Variants in KLHL6 observed in about 807,000 individuals in gnomAD.
KLHL6 encodes kelch-like protein 6.
In KLHL6, 41 loss-of-function variants were observed where a neutral mutation model predicts 58.6. The observed-to-expected ratio is 0.70, with a 90% CI of 0.55 to 0.91. KLHL6 has a LOEUF of 0.91. Among genes scored for constraint, KLHL6 ranks in the 40% least tolerant of loss-of-function variants. KLHL6 has a pLI of 0.00. For missense variants in KLHL6, 714 were observed against 805.6 expected, an observed-to-expected ratio of 0.89 and a Z score of 1.38; for synonymous variants, 338 against 322.7, an observed-to-expected ratio of 1.05 and a Z score of -0.51.
At chr3:183,543,408 C>G (rs973269720) in intron 1 of KLHL6, among the ~76,000 whole-genome samples, 1 of 152,088 alleles carries the variant, frequency 6.6e-6, no homozygotes, top group African/African-American at 2.4e-5. Flanking sequence ...ATAGCAGTTA[C>G]TAAGAATTCT....
rs575222205 is a variant in KLHL6 at position 183,503,546 on chromosome 3, G to A, written c.910-3719C>T. ...TGTAATCCCAGCACTTTGGGAGGTCGAGGCAGGCAGATCACCTGAGGTTGG... is the reference window on the plus strand; with the variant it reads ...TGTAATCCCAGCACTTTGGGAGGTCAAGGCAGGCAGATCACCTGAGGTTGG... On this transcript the variant is annotated intron_variant, in intron 3 of 6. Coordinates refer to ENST00000341319, the MANE Select transcript of KLHL6 (RefSeq NM_130446.4). Among the ~76,000 whole-genome samples the A allele has an allele frequency of 7.0e-4, 106 of 152,298 alleles. 1 individual carries two copies. The highest frequency in any genetic ancestry group is 2.5e-3 in the African/African-American group (102 of 41,558).
chr3:183,504,284 T>G (rs1238778212), intron 3 of KLHL6, among the ~76,000 whole-genome samples: 1 of 152,188 alleles, frequency 6.6e-6, no homozygotes, highest in East Asian at 1.9e-4. Flanking sequence ...TTGGTAGGTA[T>G]TATTACCCCC....
At position 183,534,131 on chromosome 3, in the gene KLHL6, T is replaced by TAAAAGTACTTTACTTTTAAA. The variant is rs10663153; in HGVS notation, c.294-6122_294-6121insTTTAAAAGTAAAGTACTTTT. Reference sequence around the variant, plus strand: ...AAAGTACTTTACTTTTAAAGTACTTTGTACTTTTAAAGTACTTTAAAAGTA... The same window carrying TAAAAGTACTTTACTTTTAAA: ...AAAGTACTTTACTTTTAAAGTACTTTAAAAGTACTTTACTTTTAAAGTACTTTTAAAGTACTTTAAAAGTA... On this transcript the variant is annotated intron_variant, in intron 1 of 6. Transcript: ENST00000341319. 4.8e-3 allele frequency among the ~76,000 whole-genome samples: 137 copies of TAAAAGTACTTTACTTTTAAA among 28,754 alleles called. 4 individuals are homozygous for TAAAAGTACTTTACTTTTAAA. The highest frequency in any genetic ancestry group is 2.4e-3 in the Non-Finnish European group (25 of 10,266). 18.9% of individuals were successfully genotyped at this position (28,754 alleles called of 152,430 possible).
At chr3:183,526,403 A>C (rs1185225091) in intron 2 of KLHL6, among the ~76,000 whole-genome samples, 1 of 152,242 alleles carries the variant, frequency 6.6e-6, no homozygotes, top group African/African-American at 2.4e-5. Context: ...TGAAGCCTGA[A>C]TATGACCCCA....
At chr3:183,510,600 C>T (rs993089137) in intron 2 of KLHL6, among the ~76,000 whole-genome samples, 24 of 152,178 alleles carry the variant, frequency 1.6e-4, no homozygotes, top group East Asian at 7.7e-4. Flanking sequence ...TTAGGCCGGG[C>T]GCGGTGGCTC....
intron 2 of KLHL6, among the ~76,000 whole-genome samples, 159 bp from the exon 3 acceptor site, chr3:183,508,667 TAAAAC>T (rs1718092931): frequency 6.6e-6 from 1 of 152,158 alleles, no homozygotes; most frequent in South Asian, 2.1e-4. Context: ...ACAGTAGACT[TAAAAC>T]AATGAGATAC....
rs138021827 is a variant in KLHL6 at position 183,503,648 on chromosome 3, A to G, written c.910-3821T>C. On this transcript the variant is annotated intron_variant, in intron 3 of 6. Transcript: ENST00000341319. ...TACAAACTTAGCCAGGGGTGGTGGCACATGCCTGTAATCCCATCTACTCAG... is the reference window on the plus strand; with the variant it reads ...TACAAACTTAGCCAGGGGTGGTGGCGCATGCCTGTAATCCCATCTACTCAG... 3.9e-5 allele frequency among the ~76,000 whole-genome samples: 6 copies of G among 152,290 alleles called. No individual in the cohort carries two copies. The East Asian group carries it at 1.2e-3, about 29-fold the overall frequency.
At chr3:183,527,249 A>G (rs1294004885) in intron 2 of KLHL6, among the ~76,000 whole-genome samples, 1 of 152,246 alleles carries the variant, frequency 6.6e-6, no homozygotes, top group African/African-American at 2.4e-5. Flanking sequence ...CCAGGAAATG[A>G]TCAATAGCTA....
At chr3:183,547,240 A>G (rs1318928475) in intron 1 of KLHL6, among the ~76,000 whole-genome samples, 1 of 152,134 alleles carries the variant, frequency 6.6e-6, no homozygotes, top group Non-Finnish European at 1.5e-5. Flanking sequence ...TCCACTTAGG[A>G]CAACTATTTG....
rs7611412 is a variant in KLHL6 at position 183,499,819 on chromosome 3, C to T, written c.918G>A (p.Ser306=). The change falls in exon 4 of 7, where the codon TCG becomes TCA. Residue 306 remains serine (S), a synonymous_variant. Transcript: ENST00000341319. The surrounding 1 kb of genome is among the most constrained non-coding windows in gnomAD (Gnocchi z 4.6). ...MYHLSGNEII[S]ERTKPRMHEF... ...CATGCATCCTGGGCTTGGTGCGTTC[C>T]GAAATGATCTGGAAATCGATGGGGG... The T allele has an allele frequency of 2.1e-3, 3,325 of 1,574,878 alleles. 61 individuals are homozygous for T. The African/African-American group carries it at 0.039, about 18-fold the overall frequency.
Position 183,534,917 on chromosome 3 carries a change from TGTATGC to T in KLHL6, c.294-6913_294-6908del, listed in dbSNP as rs1560107432. On this transcript the variant is annotated intron_variant, in intron 1 of 6. Coordinates refer to ENST00000341319, the MANE Select transcript of KLHL6 (RefSeq NM_130446.4). ...ATATATGTATGTATGTATGTATATA[TGTATGC>T]ATATATATACATATATATATATATA... Among the ~76,000 whole-genome samples, 189 of 146,728 alleles carry T rather than the reference TGTATGC, an allele frequency of 1.3e-3. No individual in the cohort carries two copies. The East Asian group carries it at 0.036, about 28-fold the overall frequency.
intron 4 of KLHL6, among the ~76,000 whole-genome samples, chr3:183,497,111 T>C (rs1318672499): frequency 1.3e-5 from 2 of 151,948 alleles, no homozygotes; most frequent in Admixed American, 1.3e-4. Flanking sequence ...GCCCCCCACC[T>C]ACCAAAAATA....
intron 2 of KLHL6, among the ~76,000 whole-genome samples, chr3:183,524,778 C>G (rs1005943966): frequency 6.6e-6 from 1 of 152,142 alleles, no homozygotes; most frequent in African/African-American, 2.4e-5. Context: ...CTGGGTGGGG[C>G]GGGGAGCACT....
chr3:183,512,734 A>G (rs964403306), intron 2 of KLHL6, among the ~76,000 whole-genome samples: 5 of 152,052 alleles, frequency 3.3e-5, no homozygotes, highest in Non-Finnish European at 5.9e-5. Flanking sequence ...CAGGTGATCC[A>G]CCCACCTTGG....
chr3:183,539,236 T>C (rs1424493040), intron 1 of KLHL6, among the ~76,000 whole-genome samples: 1 of 152,206 alleles, frequency 6.6e-6, no homozygotes, highest in Non-Finnish European at 1.5e-5. Context: ...TCCCTCACTA[T>C]GGATCCTTCC....
At chr3:183,527,120 A>C (rs1214876927) in intron 2 of KLHL6, among the ~76,000 whole-genome samples, 1 of 151,836 alleles carries the variant, frequency 6.6e-6, no homozygotes, top group East Asian at 1.9e-4. Flanking sequence ...AAAAACAAAA[A>C]CAAACAAACC....
At chr3:183,510,627 C>A (rs936337820) in intron 2 of KLHL6, among the ~76,000 whole-genome samples, 1 of 152,156 alleles carries the variant, frequency 6.6e-6, no homozygotes, top group Non-Finnish European at 1.5e-5. Context: ...GTAATCCCAG[C>A]ACTTTGGGAG....
chr3:183,522,402 T>C (rs1263174049), intron 2 of KLHL6: 1 of 152,194 alleles, frequency 6.6e-6, no homozygotes, highest in Non-Finnish European at 1.5e-5. Context: ...TAACCCTGAT[T>C]GCTTAATGCT....
rs374979726 is a variant in KLHL6, at chr3:183,494,050, C to G, written c.1350+29G>C. 4.4e-6 allele frequency: 7 copies of G among 1,582,062 alleles called. No homozygotes were observed. The African/African-American group carries it at 8.1e-5, about 18-fold the overall frequency. On this transcript the variant is annotated intron_variant, in intron 5 of 6. Coordinates refer to ENST00000341319, the MANE Select transcript of KLHL6 (RefSeq NM_130446.4). ...AAAAGCACTGAAGTAATAATACAGG[C>G]AGTTACTGGTAGAAATCGTGTCCTA...
Sources: gnomAD v4.1 joint callset for allele counts (sites outside exome capture counted in the v4.1 genomes callset) on GRCh38, gnomAD v4.1.1 for gene constraint, Gnocchi (gnomAD v3.1) non-coding constraint, MANE v1.5 for transcripts, NCBI Gene and HGNC (gene_info 2026-07-23, HGNC 2026-07-21) for gene names.